Variants in ATRN observed in about 807,000 individuals in gnomAD.
ATRN encodes attractin-2.
Under a neutral mutation model 178.7 loss-of-function variants are expected in ATRN, and 54 were observed. The observed-to-expected ratio is 0.30, with a 90% confidence interval of 0.24 to 0.38. The LOEUF is 0.38. Among genes scored for constraint, ATRN ranks in the 10% least tolerant of loss-of-function variants. The pLI, the probability that ATRN is intolerant of heterozygous loss-of-function variation, is 1.00. For synonymous variants in ATRN, 636 were observed against 663.0 expected (o/e 0.96, Z 0.63); for missense variants, 1,443 against 1,815.1 (o/e 0.79, Z 3.73).
At chr20:3,582,853 G>A (rs1711961834) in intron 16 of ATRN, among the ~76,000 whole-genome samples, 1 of 152,194 alleles carries the variant, frequency 6.6e-6, no homozygotes, top group African/African-American at 2.4e-5. Flanking sequence ...CGCGAGAGCT[G>A]CAGGAGAGTA....
At chr20:3,509,457 T>C (rs891632848) in intron 1 of ATRN, among the ~76,000 whole-genome samples, 4 of 152,092 alleles carry the variant, frequency 2.6e-5, no homozygotes, top group African/African-American at 9.7e-5. Context: ...TGTAACCTTA[T>C]GTTATATAAA....
At chr20:3,573,752 A>G (rs80022269) in intron 12 of ATRN, among the ~76,000 whole-genome samples, 4 of 95,988 alleles carry the variant, frequency 4.2e-5, no homozygotes, top group Admixed American at 3.7e-4. Context: ...TTTTTGTTTT[A>G]TTTTATTTTA....
intron 1 of ATRN, among the ~76,000 whole-genome samples, chr20:3,514,800 T>C (rs1434199985): frequency 1.3e-5 from 2 of 151,784 alleles, no homozygotes; most frequent in Non-Finnish European, 2.9e-5. Flanking sequence ...TCTACAAAAA[T>C]GACAAAATTA....
intron 1 of ATRN, among the ~76,000 whole-genome samples, chr20:3,518,235 C>G (rs1315537472): frequency 2.0e-5 from 3 of 152,170 alleles, no homozygotes; most frequent in African/African-American, 7.2e-5. Context: ...CGAATTTCAT[C>G]CTTGGACAAG....
intron 1 of ATRN, among the ~76,000 whole-genome samples, chr20:3,507,043 G>A (rs934746106): frequency 2.0e-5 from 3 of 151,570 alleles, no homozygotes; most frequent in Non-Finnish European, 2.9e-5. Flanking sequence ...GGTTTTTGCC[G>A]GGAGGTTTTG....
chr20:3,481,070 T>A (rs1364733345), intron 1 of ATRN, among the ~76,000 whole-genome samples: 1 of 152,204 alleles, frequency 6.6e-6, no homozygotes, highest in East Asian at 1.9e-4. Flanking sequence ...GGCAAGTGAC[T>A]TCCATCTATA....
chr20:3,646,509 C>T (rs114291918), intron 28 of ATRN, among the ~76,000 whole-genome samples: 313 of 152,170 alleles, frequency 2.1e-3, no homozygotes, highest in African/African-American at 7.2e-3. Flanking sequence ...TTAGTGAAAG[C>T]GTTTACCCAG....
Position 3,619,173 on chromosome 20 carries a change from TG to T in ATRN, c.3802-5336del, listed in dbSNP as rs1248203180. 3.9e-5 allele frequency among the ~76,000 whole-genome samples: 6 copies of T among 152,216 alleles called. No homozygotes were observed. The East Asian group carries it at 1.2e-3, about 29-fold the overall frequency. On this transcript the variant is annotated intron_variant, in intron 24 of 28. Coordinates refer to ENST00000262919, the MANE Select transcript of ATRN (RefSeq NM_139321.3). ...AGCGGAAAGACTTCACCTCACAGGG[TG>T]GCCAGCTGTCCTTTCTCTTCCTCTC...
At chr20:3,623,976 A>G (rs6115966) in intron 24 of ATRN, among the ~76,000 whole-genome samples, 3 of 152,228 alleles carry the variant, frequency 2.0e-5, no homozygotes, top group African/African-American at 7.2e-5. Flanking sequence ...TATTAACTGT[A>G]TAATAAAATT....
intron 15 of ATRN, 51 bp from the exon 16 acceptor site, chr20:3,582,084 A>G: frequency 6.5e-7 from 1 of 1,532,016 alleles, no homozygotes; most frequent in African/African-American, 1.4e-5. Context: ...CAAAATTTAA[A>G]TTAAAAAAAG....
intron 1 of ATRN, among the ~76,000 whole-genome samples, chr20:3,491,559 G>A (rs999621874): frequency 9.9e-5 from 15 of 152,100 alleles, no homozygotes; most frequent in East Asian, 3.9e-4. Context: ...GCACTCAATC[G>A]TCTTCTGTAT....
At chr20:3,548,343 G>A (rs1398247285) in intron 5 of ATRN, among the ~76,000 whole-genome samples, 2 of 152,158 alleles carry the variant, frequency 1.3e-5, no homozygotes, top group Admixed American at 6.5e-5. Context: ...GCTCATGCCT[G>A]TAATCCCAGC....
intron 23 of ATRN, among the ~76,000 whole-genome samples, chr20:3,602,904 A>AGTGACCC (rs1277272770): frequency 4.3e-5 from 6 of 139,378 alleles, no homozygotes; most frequent in Admixed American, 3.1e-4. Flanking sequence ...CGGAGGTTGC[A>AGTGACCC]GTGACCCAAG....
intron 4 of ATRN, 98 bp downstream of exon 4, chr20:3,545,988 A>G (rs983245775): frequency 7.7e-7 from 1 of 1,303,476 alleles, no homozygotes; most frequent in Non-Finnish European, 1.1e-6. Context: ...AGCCAGGCAT[A>G]GCGTCAGGCA....
At chr20:3,588,045 C>T (rs1016921678) in intron 18 of ATRN, among the ~76,000 whole-genome samples, 4 of 152,112 alleles carry the variant, frequency 2.6e-5, no homozygotes, top group African/African-American at 9.7e-5. Context: ...CAGGGTTTCG[C>T]CATGTTGCCC....
intron 1 of ATRN, among the ~76,000 whole-genome samples, chr20:3,494,079 T>C (rs905544652): frequency 2.0e-5 from 3 of 152,174 alleles, no homozygotes; most frequent in African/African-American, 4.8e-5. Flanking sequence ...AGGCATTAAT[T>C]AGCTCAGCAC....
intron 3 of ATRN, among the ~76,000 whole-genome samples, chr20:3,541,507 C>G (rs1362412913): frequency 6.6e-6 from 1 of 152,230 alleles, no homozygotes; most frequent in Admixed American, 6.5e-5. Flanking sequence ...GTATAGCCTA[C>G]TGTACACCCT....
At chr20:3,633,862 A>G (rs2087006155) in intron 25 of ATRN, among the ~76,000 whole-genome samples, 1 of 152,208 alleles carries the variant, frequency 6.6e-6, no homozygotes, top group South Asian at 2.1e-4. Flanking sequence ...TAATAATTAC[A>G]CACATTTCTT....
chr20:3,586,297 TA>T (rs547253978), intron 18 of ATRN, among the ~76,000 whole-genome samples: 1 of 152,194 alleles, frequency 6.6e-6, no homozygotes, highest in Non-Finnish European at 1.5e-5. Flanking sequence ...TGGATTACCC[TA>T]AAAAAACATG....
Sources: gnomAD v4.1 joint callset for allele counts (sites outside exome capture counted in the v4.1 genomes callset) on GRCh38, gnomAD v4.1.1 for gene constraint, MANE v1.5 for transcripts, NCBI Gene and HGNC (gene_info 2026-07-23, HGNC 2026-07-21) for gene names.